The following FLYWCH1 variants were observed in gnomAD, a reference collection of about 807,000 sequenced individuals.
FLYWCH1 encodes FLYWCH-type zinc finger 1, also known as FLYWCH-type zinc finger-containing protein 1.
Under a neutral mutation model 66.4 loss-of-function variants are expected in FLYWCH1, and 75 were observed. That is an observed-to-expected ratio of 1.13 (90% CI 0.94 to 1.37). The LOEUF is 1.37. Among genes scored for constraint, FLYWCH1 ranks in the 40% most tolerant of loss-of-function variants. FLYWCH1 has a pLI of 0.00. For synonymous variants in FLYWCH1, 595 were observed against 429.9 expected (o/e 1.38, Z -4.75); for missense variants, 1,334 against 1,001.8 (o/e 1.33, Z -4.48).
chr16:2,940,277 A>C lies in FLYWCH1; in HGVS notation c.2111+185A>C, dbSNP rs2071206460. 20 of 534,960 alleles carry C rather than the reference A, an allele frequency of 3.7e-5. No homozygotes were observed. In the South Asian group the frequency reaches 4.6e-4, roughly 12 times the overall value. The allele number at this position is 534,960 out of a possible 1,614,324, so 33.1% of individuals were successfully genotyped here. A position where few individuals can be genotyped will look rare whatever the true frequency, so the allele number is the denominator to read the frequency against. On this transcript the variant is annotated intron_variant, in intron 9 of 9. Coordinates refer to ENST00000253928, the MANE Select transcript of FLYWCH1 (RefSeq NM_001308068.2). ...CAGGGTGGCAGTCATCTGAAGGCCC[A>C]AGTGAGGCTGGAGGCCCTGCTCCTC...
At chr16:2,918,447 T>C (rs1049079960) in intron 2 of FLYWCH1, among the ~76,000 whole-genome samples, 13 of 146,226 alleles carry the variant, frequency 8.9e-5, no homozygotes, top group African/African-American at 3.0e-4. Context: ...GCGCCAGGCT[T>C]TTTTTTTTTT....
chr16:2,934,825 G>A (rs1388016522), intron 6 of FLYWCH1: 1 of 321,310 alleles, frequency 3.1e-6, no homozygotes, highest in Non-Finnish European at 6.1e-6. Flanking sequence ...GTTTCTTAGG[G>A]TCTTGGCTGC....
At chr16:2,918,528 C>T (rs2070255393) in intron 2 of FLYWCH1, among the ~76,000 whole-genome samples, 1 of 150,980 alleles carries the variant, frequency 6.6e-6, no homozygotes, top group South Asian at 2.1e-4. Context: ...GCAACCTCCA[C>T]CTCCCGGTTT....
chr16:2,933,737 C>T lies in FLYWCH1; in HGVS notation c.1271C>T (p.Thr424Met), dbSNP rs546346078. Reference protein sequence around the residue: ...ADPGGPEFLKTPLGGSFLVYE... With the variant: ...ADPGGPEFLKMPLGGSFLVYE... ...CCAGGAGGCCCTGAGTTCCTGAAGA[C>T]GCCCCTGGGGGGCAGCTTCCTGGTG... is the stretch of plus-strand genomic sequence containing the variant. The change falls in exon 6 of 10, where the codon ACG becomes ATG. Residue 424 changes from threonine (T) to methionine (M), a missense_variant. Coordinates refer to ENST00000253928, the MANE Select transcript of FLYWCH1 (RefSeq NM_001308068.2). 207 of 1,612,896 alleles carry T rather than the reference C, an allele frequency of 1.3e-4. No individual in the cohort carries two copies. The East Asian group carries it at 2.8e-3, about 22-fold the overall frequency.
At chr16:2,914,345 T>C (rs2070095555) in intron 2 of FLYWCH1, 56 bp downstream of exon 2, 1 of 152,272 alleles carries the variant, frequency 6.6e-6, no homozygotes, top group African/African-American at 2.4e-5. Context: ...CGAGCCTTAC[T>C]GATTAGAGTT....
Position 2,938,821 on chromosome 16 carries a change from C to T in FLYWCH1, c.2050+365C>T, listed in dbSNP as rs2071138121. 2.0e-5 allele frequency among the ~76,000 whole-genome samples: 3 copies of T among 151,538 alleles called. No individual in the cohort carries two copies. In the South Asian group the frequency reaches 6.3e-4, roughly 32 times the overall value. ...TAGAGACGGGGTTTCACCATGTTAGCCAGGATGGTCTTGATCTTCTGACCT... is the reference window on the plus strand; with the variant it reads ...TAGAGACGGGGTTTCACCATGTTAGTCAGGATGGTCTTGATCTTCTGACCT... On this transcript the variant is annotated intron_variant, in intron 8 of 9. Coordinates refer to ENST00000253928, the MANE Select transcript of FLYWCH1 (RefSeq NM_001308068.2).
At chr16:2,927,898 T>C (rs1047851200) in intron 2 of FLYWCH1, among the ~76,000 whole-genome samples, 2 of 152,194 alleles carry the variant, frequency 1.3e-5, no homozygotes, top group Admixed American at 1.3e-4. Context: ...GGTCTCTGAG[T>C]TCCCTCAGTA....
At chr16:2,939,762 A>G (rs2071182427) in intron 8 of FLYWCH1, 2 of 379,348 alleles carry the variant, frequency 5.3e-6, no homozygotes, top group Non-Finnish European at 9.6e-6. Context: ...TTACAGAGAA[A>G]GTTGTGCTGG....
intron 2 of FLYWCH1, among the ~76,000 whole-genome samples, chr16:2,920,936 G>A (rs939050411): frequency 6.6e-6 from 1 of 150,394 alleles, no homozygotes; most frequent in Non-Finnish European, 1.5e-5. Context: ...CTGCCTCCCG[G>A]GTTCAAGCGA....
intron 2 of FLYWCH1, among the ~76,000 whole-genome samples, chr16:2,915,025 A>AT (rs143517225): frequency 0.057 from 8,677 of 151,424 alleles, 366 homozygotes; most frequent in Middle Eastern, 0.095. Flanking sequence ...AAAAAAAAAA[A>AT]GCACTTAAAC....
At chr16:2,937,462 G>C in intron 7 of FLYWCH1, 78 bp downstream of exon 7, 5 of 1,418,546 alleles carry the variant, frequency 3.5e-6, no homozygotes, top group Non-Finnish European at 4.6e-6. Flanking sequence ...GAGGCTGCCC[G>C]TGGGGTGTTG....
chr16:2,940,056 T>G lies in FLYWCH1; in HGVS notation c.2075T>G (p.Phe692Cys), dbSNP rs1567349222. 1.3e-6 allele frequency: 2 copies of G among 1,560,382 alleles called. No homozygotes were observed. Among genetic ancestry groups the G allele is most frequent in the African/African-American group, 1.4e-5 (1 of 73,876 alleles). The change falls in exon 9 of 10, where the codon TTC (phenylalanine) becomes TGC (cysteine). Residue 692 changes from phenylalanine to cysteine, a missense_variant. By Grantham distance (205) the Phe-to-Cys change is radical. Coordinates refer to ENST00000253928, the MANE Select transcript of FLYWCH1 (RefSeq NM_001308068.2). ...GAAAAGATTCAAGTTCAGCTGTGCT[T>G]CAAGACGTGTTCTCCTGAAAGCCAG... ...DPEKIQVQLC[F>C]KTCSPESQQI...
chr16:2,948,782 C>T lies in FLYWCH1; in HGVS notation c.*55C>T. On this transcript the variant is annotated 3_prime_UTR_variant, in exon 10 of 10. Transcript: ENST00000253928. Reference sequence around the variant, plus strand: ...CCCACCCAAGGTGGCTTCACATCCACACAGGCACTTCCCATCCACCTAGGT... The same window carrying T: ...CCCACCCAAGGTGGCTTCACATCCATACAGGCACTTCCCATCCACCTAGGT... 1 of 1,514,752 alleles carries T rather than the reference C, an allele frequency of 6.6e-7. No homozygotes were observed. Among genetic ancestry groups the T allele is most frequent in the South Asian group, 1.1e-5 (1 of 88,672 alleles). 93.8% of individuals were successfully genotyped at this position (1,514,752 alleles called of 1,614,324 possible).
chr16:2,937,749 G>T (rs2071077547), intron 7 of FLYWCH1, among the ~76,000 whole-genome samples: 1 of 152,040 alleles, frequency 6.6e-6, no homozygotes, highest in South Asian at 2.1e-4. Context: ...TAGTCTCACG[G>T]GGTTCTCTCT....
At chr16:2,913,935 C>G (rs927455772) in intron 1 of FLYWCH1, among the ~76,000 whole-genome samples, 2 of 152,062 alleles carry the variant, frequency 1.3e-5, no homozygotes, top group Non-Finnish European at 2.9e-5. Context: ...GTCTCGAACT[C>G]CTGGGCTCAA....
At chr16:2,923,566 C>T (rs2070453783) in intron 2 of FLYWCH1, among the ~76,000 whole-genome samples, 2 of 152,236 alleles carry the variant, frequency 1.3e-5, no homozygotes, top group Middle Eastern at 3.4e-3. Flanking sequence ...TTTTAAAATG[C>T]ATACTTCTCC....
At position 2,929,493 on chromosome 16, in the gene FLYWCH1, G is replaced by A. The variant is rs567433227; in HGVS notation, c.-73-120G>A. The stretch of plus-strand genomic sequence containing the variant: ...AGAAGCCTAGTTCCATCAGGCCCCC[G>A]GCCAGTCTTGGCCCCAGCGAGCAGT... On this transcript the variant is annotated intron_variant, in intron 2 of 9. Transcript: ENST00000253928. 6.2e-5 allele frequency: 43 copies of A among 695,416 alleles called. No individual in the cohort carries two copies. In the East Asian group the frequency reaches 9.9e-4, roughly 16 times the overall value. The allele number at this position is 695,416 out of a possible 1,614,324, so 43.1% of individuals were successfully genotyped here. A position where few individuals can be genotyped will look rare whatever the true frequency, so the allele number is the denominator to read the frequency against.
intron 2 of FLYWCH1, among the ~76,000 whole-genome samples, chr16:2,921,529 T>C (rs1330082883): frequency 6.6e-6 from 1 of 152,008 alleles, no homozygotes; most frequent in African/African-American, 2.4e-5. Context: ...GACCCTGTCA[T>C]TACCAAAATA....
chr16:2,914,452 C>T (rs772567996), intron 2 of FLYWCH1, among the ~76,000 whole-genome samples, 163 bp downstream of exon 2: 2 of 152,228 alleles, frequency 1.3e-5, no homozygotes, highest in African/African-American at 2.4e-5. Context: ...ACCGCAGCGT[C>T]CCAGTAGGCC....
Sources: allele counts gnomAD v4.1 joint callset (sites outside exome capture counted in the v4.1 genomes callset), GRCh38; gene constraint gnomAD v4.1.1; transcripts MANE v1.5; gene names NCBI Gene and HGNC (gene_info 2026-07-23, HGNC 2026-07-21).